Variants in ASPH observed in about 807,000 individuals in gnomAD.
The protein encoded by ASPH is aspartate beta-hydroxylase.
ASPH carries 100 observed loss-of-function variants against 118.4 expected under a neutral mutation model. That is an observed-to-expected ratio of 0.84 (90% CI 0.72 to 1.00). The LOEUF (loss-of-function observed/expected upper bound fraction) is 1.00. Ranked by LOEUF, ASPH falls within the 50% of genes least tolerant of loss-of-function variation. The pLI is 0.00. For missense variants in ASPH, 920 were observed against 919.5 expected (o/e 1.00, Z -0.01); for synonymous variants, 315 against 325.6 (o/e 0.97, Z 0.35).
At chr8:61,551,182 T>A (rs1409298818) in intron 20 of ASPH, among the ~76,000 whole-genome samples, 1 of 152,128 alleles carries the variant, frequency 6.6e-6, no homozygotes, top group Non-Finnish European at 1.5e-5. Flanking sequence ...CAGACCCTCA[T>A]GGTTTGTCCC....
chr8:61,514,378 C>A (rs1004981212), intron 24 of ASPH, among the ~76,000 whole-genome samples: 1 of 151,734 alleles, frequency 6.6e-6, no homozygotes, highest in Non-Finnish European at 1.5e-5. Context: ...GTGGTGTAAT[C>A]ACAGCTCACT....
At chr8:61,652,279 A>T (rs1811403191) in intron 4 of ASPH, among the ~76,000 whole-genome samples, 2 of 152,188 alleles carry the variant, frequency 1.3e-5, no homozygotes, top group African/African-American at 4.8e-5. Flanking sequence ...CTAGAAGTGG[A>T]GGGTGGTGCA....
chr8:61,663,211 T>C (rs1817821587), intron 3 of ASPH: 16 of 985,284 alleles, frequency 1.6e-5, no homozygotes, highest in Admixed American at 6.2e-5. Flanking sequence ...CTCACTTTCT[T>C]GTCCCAGAAG....
intron 13 of ASPH, among the ~76,000 whole-genome samples, chr8:61,627,158 C>T (rs1170286511): frequency 6.6e-6 from 1 of 151,938 alleles, no homozygotes; most frequent in East Asian, 1.9e-4. Context: ...AAAGACATTA[C>T]AAAAATATTC....
chr8:61,672,500 C>G (rs578029177), intron 3 of ASPH, among the ~76,000 whole-genome samples: 3 of 151,044 alleles, frequency 2.0e-5, no homozygotes, highest in Admixed American at 6.6e-5. Context: ...ATAATTTTAC[C>G]ACTTATTTAA....
intron 14 of ASPH, among the ~76,000 whole-genome samples, chr8:61,609,090 T>C (rs1400298196): frequency 6.6e-6 from 1 of 152,196 alleles, no homozygotes; most frequent in African/African-American, 2.4e-5. Context: ...AAAAGCATTA[T>C]GGCAGGTGAT....
chr8:61,678,257 T>G (rs1470097372), intron 3 of ASPH, among the ~76,000 whole-genome samples: 1 of 152,170 alleles, frequency 6.6e-6, no homozygotes, highest in Admixed American at 6.6e-5. Context: ...GATTTAGTCC[T>G]CGCATCATTT....
At chr8:61,640,438 G>C (rs1447553138) in intron 10 of ASPH, among the ~76,000 whole-genome samples, 2 of 152,116 alleles carry the variant, frequency 1.3e-5, no homozygotes, top group African/African-American at 4.8e-5. Context: ...CCTTACTCTT[G>C]CAAGTTCACG....
chr8:61,668,253 C>T (rs773971815), intron 3 of ASPH: 2 of 1,610,238 alleles, frequency 1.2e-6, no homozygotes, highest in East Asian at 4.5e-5. Context: ...TAGTTTTTCT[C>T]TTGGCTACCC....
intron 15 of ASPH, among the ~76,000 whole-genome samples, 155 bp from the exon 16 acceptor site, chr8:61,577,013 A>G (rs1283447781): frequency 1.3e-5 from 2 of 152,184 alleles, no homozygotes; most frequent in African/African-American, 4.8e-5. Context: ...AAAAAGCTAT[A>G]TTAAGGCAAA....
intron 3 of ASPH, chr8:61,661,846 C>A: frequency 2.4e-6 from 1 of 409,800 alleles, no homozygotes; most frequent in South Asian, 8.6e-5. Context: ...TTCAAGTGTT[C>A]ATGCTGATTG....
chr8:61,565,166 G>A (rs1419909334), intron 17 of ASPH, among the ~76,000 whole-genome samples: 1 of 152,124 alleles, frequency 6.6e-6, no homozygotes, highest in Non-Finnish European at 1.5e-5. Flanking sequence ...TCTTTAGATT[G>A]TAGCCTCCTA....
intron 3 of ASPH, chr8:61,675,566 T>TA: frequency 1.7e-5 from 17 of 979,976 alleles, no homozygotes; most frequent in Non-Finnish European, 2.1e-5. Flanking sequence ...CAAATTACAA[T>TA]AAAAAATATC....
intron 16 of ASPH, among the ~76,000 whole-genome samples, chr8:61,573,743 A>G (rs555198947): frequency 6.6e-6 from 1 of 152,294 alleles, no homozygotes; most frequent in East Asian, 1.9e-4. Context: ...AACCATAAAA[A>G]CCCGAGAAGA....
chr8:61,664,081 T>C, intron 3 of ASPH: 2 of 976,080 alleles, frequency 2.0e-6, no homozygotes, highest in Non-Finnish European at 2.4e-6. Context: ...CCACAGAGAT[T>C]TTATCATTAT....
At chr8:61,668,557 GC>G (rs1405535179) in intron 3 of ASPH, among the ~76,000 whole-genome samples, 1 of 152,064 alleles carries the variant, frequency 6.6e-6, no homozygotes, top group Non-Finnish European at 1.5e-5. Context: ...ATACTTAATT[GC>G]CACTGGAAAT....
At position 61,500,749 on chromosome 8, in the gene ASPH, A is replaced by ATTAG. The variant is rs1236922170; in HGVS notation, c.*2606_*2609dup. ...AGCCATCTGCATGACATGGGTATTT[A>ATTAG]TTAGTATTACCAGTTGGTGCTCAAA... On this transcript the variant is annotated 3_prime_UTR_variant, in exon 25 of 25. Coordinates refer to ENST00000379454, the MANE Select transcript of ASPH (RefSeq NM_004318.4). The ATTAG allele has an allele frequency of 6.6e-6, 1 of 152,242 alleles. No individual in the cohort carries two copies. The highest frequency in any genetic ancestry group is 1.5e-5 in the Non-Finnish European group (1 of 68,030). 9.4% of individuals were successfully genotyped at this position (152,242 alleles called of 1,614,324 possible). A position where few individuals can be genotyped will look rare whatever the true frequency, so the allele number is the denominator to read the frequency against.
chr8:61,655,683 A>G (rs1813310155), intron 3 of ASPH, among the ~76,000 whole-genome samples: 1 of 152,194 alleles, frequency 6.6e-6, no homozygotes, highest in African/African-American at 2.4e-5. Flanking sequence ...TTCTCTAACC[A>G]ACTTGAACTT....
chr8:61,692,979 C>T lies in ASPH; in HGVS notation c.104-8791G>A, dbSNP rs78223103. Among the ~76,000 whole-genome samples the T allele has an allele frequency of 6.7e-3, 1,020 of 151,782 alleles. 13 individuals are homozygous for T. Among genetic ancestry groups the T allele is most frequent in the African/African-American group, 0.023 (969 of 41,346 alleles). ...AAAAAAGAAAAAAAGAAAACGATGA[C>T]ATCAACAACAAAACCCTGCTCCCTG... On this transcript the variant is annotated intron_variant, in intron 1 of 24. Transcript: ENST00000379454.
Sources: gnomAD v4.1 joint callset for allele counts (sites outside exome capture counted in the v4.1 genomes callset) on GRCh38, gnomAD v4.1.1 for gene constraint, MANE v1.5 for transcripts, NCBI Gene and HGNC (gene_info 2026-07-23, HGNC 2026-07-21) for gene names.